CNTN5: variants seen among roughly 807,000 people sequenced by gnomAD.
CNTN5 encodes the protein contactin 5.
CNTN5 carries 77 observed loss-of-function variants against 129.1 expected under a neutral mutation model. The observed-to-expected ratio is 0.60, with a 90% CI of 0.50 to 0.72. CNTN5 has a LOEUF of 0.72. Ranked by LOEUF, CNTN5 falls within the 30% of genes least tolerant of loss-of-function variation. CNTN5 has a pLI of 0.00. For synonymous variants in CNTN5, 509 were observed against 465.6 expected, an observed-to-expected ratio of 1.09 and a Z score of -1.20; for missense variants, 1,478 against 1,328.8, an observed-to-expected ratio of 1.11 and a Z score of -1.75.
In CNTN5 at chr11:99,819,673, T is replaced by C. The variant is rs776919813; in HGVS notation, c.185T>C (p.Leu62Pro). 6.2e-7 allele frequency: 1 copy of C among 1,612,988 alleles called. No homozygotes were observed. Among genetic ancestry groups the C allele is most frequent in the Admixed American group, 1.7e-5 (1 of 60,028 alleles). ...PRYSSPSLGT[L>P]SASSPSWLGA... ...TACAGCAGCCCTTCATTAGGAACAC[T>C]GAGTGCTTCTTCACCCAGCTGGCTA... Residue 62 changes from leucine (L) to proline (P), a missense_variant, in exon 4 of 25, where the codon CTG becomes CCG. Leu to Pro is a moderately conservative substitution (Grantham distance 98, BLOSUM62 -3). Coordinates refer to ENST00000524871, the MANE Select transcript of CNTN5 (RefSeq NM_014361.4).
chr11:99,283,823 A>G (rs141431452), intron 1 of CNTN5, among the ~76,000 whole-genome samples: 3 of 152,262 alleles, frequency 2.0e-5, no homozygotes, highest in East Asian at 1.9e-4. Context: ...GGGAATAGGA[A>G]AGGATATTAA....
intron 2 of CNTN5, among the ~76,000 whole-genome samples, chr11:99,329,065 G>C (rs1865901974): frequency 6.6e-6 from 1 of 152,052 alleles, no homozygotes; most frequent in African/African-American, 2.4e-5. Context: ...GTTCAAGTTG[G>C]ATATCGATGG....
intron 2 of CNTN5, among the ~76,000 whole-genome samples, chr11:99,452,474 G>A (rs900142644): frequency 4.8e-5 from 7 of 144,888 alleles, no homozygotes; most frequent in Non-Finnish European, 9.0e-5. Context: ...CCGAGTTCAC[G>A]CCATTCTCCT....
intron 1 of CNTN5, among the ~76,000 whole-genome samples, chr11:99,259,904 A>C (rs998098947): frequency 6.6e-6 from 1 of 151,812 alleles, no homozygotes; most frequent in Non-Finnish European, 1.5e-5. Context: ...GCACCATTTC[A>C]TATATTTTGG....
intron 8 of CNTN5, among the ~76,000 whole-genome samples, chr11:99,977,932 T>G (rs1228483315): frequency 6.6e-6 from 1 of 152,206 alleles, no homozygotes; most frequent in Non-Finnish European, 1.5e-5. Flanking sequence ...AATGAGAATT[T>G]CAGTGCAGTA....
At chr11:99,748,202 G>A (rs1367862655) in intron 3 of CNTN5, among the ~76,000 whole-genome samples, 1 of 152,062 alleles carries the variant, frequency 6.6e-6, no homozygotes, top group Non-Finnish European at 1.5e-5. Flanking sequence ...TTTGGTATGA[G>A]GGTAATGTTA....
At position 99,991,759 on chromosome 11, in the gene CNTN5, T is replaced by TGTTTGTTC. The variant is rs1390983183; in HGVS notation, c.878-10268_878-10267insCGTTTGTT. Among the ~76,000 whole-genome samples the TGTTTGTTC allele has an allele frequency of 2.0e-5, 3 of 150,340 alleles. No individual in the cohort carries two copies. The East Asian group carries it at 6.5e-4, about 33-fold the overall frequency. ...AGACATGCAGGTTTGTTTGTTTGTT[T>TGTTTGTTC]GTTTGTTTCCACTCAAATACTCAAG... On this transcript the variant is annotated intron_variant, in intron 8 of 24. Transcript: ENST00000524871.
At chr11:99,738,584 G>A (rs1943784688) in intron 3 of CNTN5, among the ~76,000 whole-genome samples, 1 of 148,954 alleles carries the variant, frequency 6.7e-6, no homozygotes, top group Non-Finnish European at 1.5e-5. Flanking sequence ...GAAAAGGCAG[G>A]CTATAAAAAT....
chr11:99,887,711 C>T (rs1401984553), intron 6 of CNTN5, among the ~76,000 whole-genome samples: 5 of 152,200 alleles, frequency 3.3e-5, no homozygotes, highest in East Asian at 1.9e-4. Flanking sequence ...GTACACGAGT[C>T]GAAAAGCTGA....
chr11:99,141,566 T>C (rs1301298274), intron 1 of CNTN5, among the ~76,000 whole-genome samples: 2 of 152,196 alleles, frequency 1.3e-5, no homozygotes, highest in African/African-American at 4.8e-5. Context: ...GTGGTTTTTT[T>C]CTCTAGTTCC....
intron 3 of CNTN5, among the ~76,000 whole-genome samples, chr11:99,717,879 G>A (rs1238325723): frequency 6.6e-6 from 1 of 152,056 alleles, no homozygotes; most frequent in African/African-American, 2.4e-5. Context: ...ATTCAAAGAA[G>A]ATTATAGTTA....
intron 7 of CNTN5, among the ~76,000 whole-genome samples, chr11:99,933,863 T>A (rs1047220602): frequency 2.6e-5 from 4 of 152,220 alleles, no homozygotes; most frequent in African/African-American, 9.6e-5. Context: ...AAAGCTGCTA[T>A]GGGATTAGTA....
rs554127091 is a variant in CNTN5, at chr11:99,461,589, T to C, written c.-70-94556T>C. Among the ~76,000 whole-genome samples the C allele has an allele frequency of 3.9e-5, 6 of 152,262 alleles. No homozygotes were observed. In the South Asian group the frequency reaches 1.2e-3, roughly 32 times the overall value. Reference sequence around the variant, plus strand: ...GAAATAAACATTTACTAAGAAAGCATTGATATTGCTTAGTTCCTTGGGATG... The same window carrying C: ...GAAATAAACATTTACTAAGAAAGCACTGATATTGCTTAGTTCCTTGGGATG... On this transcript the variant is annotated intron_variant, in intron 2 of 24. Transcript: ENST00000524871.
At chr11:99,710,547 TTGTGTGTGTGTGTGTGTGCATGTGTG>T (rs1306371499) in intron 3 of CNTN5, among the ~76,000 whole-genome samples, 2 of 146,010 alleles carry the variant, frequency 1.4e-5, no homozygotes, top group East Asian at 2.1e-4. Context: ...CTGCTCTAGA[TTGTGTGTGTGTGTGTGTGCATGTGTG>T]TGTGTGTGTG....
At chr11:99,125,130 C>T (rs1032533886) in intron 1 of CNTN5, among the ~76,000 whole-genome samples, 7 of 151,998 alleles carry the variant, frequency 4.6e-5, no homozygotes, top group African/African-American at 1.7e-4. Flanking sequence ...CCAACATTAT[C>T]CTGATACCAA....
At chr11:99,057,785 AGTGTGTGT>A (rs67721084) in intron 1 of CNTN5, among the ~76,000 whole-genome samples, 4 of 145,020 alleles carry the variant, frequency 2.8e-5, no homozygotes, top group South Asian at 2.2e-4. Flanking sequence ...ATGAAACATA[AGTGTGTGT>A]GTGTGTGTGT....
At chr11:99,947,072 G>C (rs1159659014) in intron 7 of CNTN5, among the ~76,000 whole-genome samples, 1 of 138,940 alleles carries the variant, frequency 7.2e-6, no homozygotes, top group Non-Finnish European at 1.6e-5. Context: ...AACAAAATTA[G>C]AAAAAATATA....
At position 99,819,580 on chromosome 11, in the gene CNTN5, A is replaced by G. The variant is rs764432285; in HGVS notation, c.92A>G (p.Tyr31Cys). The G allele has an allele frequency of 1.9e-6, 3 of 1,612,848 alleles. No individual in the cohort carries two copies. Among genetic ancestry groups the G allele is most frequent in the Admixed American group, 1.7e-5 (1 of 60,032 alleles). ...TCTCTTCCTGGTCTCTCCACTTCAT[A>G]TGCTGCTTTGTTAAGAATTAAGAAG... ...SKSLPGLSTS[Y>C]AALLRIKKSS... The change falls in exon 4 of 25, where the codon TAT becomes TGT. Residue 31 changes from tyrosine to cysteine, a missense_variant. Tyr to Cys is a radical substitution (Grantham distance 194, BLOSUM62 -2). Coordinates refer to ENST00000524871, the MANE Select transcript of CNTN5 (RefSeq NM_014361.4).
chr11:99,170,789 A>G (rs548546031), intron 1 of CNTN5, among the ~76,000 whole-genome samples: 4 of 152,180 alleles, frequency 2.6e-5, no homozygotes, highest in Non-Finnish European at 4.4e-5. Flanking sequence ...CCACATTAGC[A>G]TTTTGCAGGC....
Sources: gnomAD v4.1 joint callset for allele counts (sites outside exome capture counted in the v4.1 genomes callset) on GRCh38, gnomAD v4.1.1 for gene constraint, MANE v1.5 for transcripts, NCBI Gene and HGNC (gene_info 2026-07-23, HGNC 2026-07-21) for gene names.